Variants in FAM107B observed in about 807,000 individuals in gnomAD.
The protein encoded by FAM107B is protein FAM107B.
In FAM107B, 21 loss-of-function variants were observed where a neutral mutation model predicts 31.5. The observed-to-expected ratio is 0.67, with a 90% CI of 0.47 to 0.96. The LOEUF (loss-of-function observed/expected upper bound fraction) is 0.96. FAM107B is among the 40% of genes least tolerant of loss of function. FAM107B has a pLI of 0.00. For missense variants in FAM107B, 452 were observed against 377.1 expected (o/e 1.20, Z -1.64); for synonymous variants, 157 against 141.5 (o/e 1.11, Z -0.78).
At position 14,739,269 on chromosome 10, in the gene FAM107B, G is replaced by C. The variant is rs539535718; in HGVS notation, c.411+34984C>G. On this transcript the variant is annotated intron_variant, in intron 1 of 4. Coordinates refer to ENST00000181796, the MANE Select transcript of FAM107B (RefSeq NM_031453.4). The stretch of plus-strand genomic sequence containing the variant: ...GACGGGAGTGCTAATCTGCCACGGT[G>C]TCCCACCTTGGGATCTGACCAGGAA... Among the ~76,000 whole-genome samples, 136 of 152,322 alleles carry C rather than the reference G, an allele frequency of 8.9e-4. 2 individuals carry two copies. In the South Asian group the frequency reaches 0.027, roughly 31 times the overall value.
At chr10:14,756,302 T>C (rs1009429520) in intron 1 of FAM107B, among the ~76,000 whole-genome samples, 1 of 152,206 alleles carries the variant, frequency 6.6e-6, no homozygotes, top group Non-Finnish European at 1.5e-5. Flanking sequence ...TAGTCTTGGG[T>C]GTCAATTTGG....
chr10:14,771,841 T>C (rs1833309988), intron 1 of FAM107B, among the ~76,000 whole-genome samples: 3 of 152,152 alleles, frequency 2.0e-5, no homozygotes, highest in Admixed American at 2.0e-4. Context: ...TAAATGTGAT[T>C]GAGTATCAAG....
intron 2 of FAM107B, among the ~76,000 whole-genome samples, chr10:14,567,201 G>A (rs937775754): frequency 1.3e-5 from 2 of 152,080 alleles, no homozygotes; most frequent in African/African-American, 4.8e-5. Context: ...AGGTGGGAGA[G>A]AATGGTGGTG....
intron 2 of FAM107B, among the ~76,000 whole-genome samples, chr10:14,540,001 C>T (rs1293384545): frequency 2.0e-5 from 3 of 152,218 alleles, no homozygotes; most frequent in Non-Finnish European, 2.9e-5. Flanking sequence ...GGCGACCAGA[C>T]GTCTGCCATG....
intron 2 of FAM107B, among the ~76,000 whole-genome samples, chr10:14,665,634 A>C (rs971354349): frequency 4.6e-5 from 7 of 152,216 alleles, no homozygotes; most frequent in Admixed American, 3.3e-4. Flanking sequence ...TAAATGTGCA[A>C]AAGTGGTACT....
intron 1 of FAM107B, among the ~76,000 whole-genome samples, chr10:14,698,168 T>C (rs1009702281): frequency 2.0e-5 from 3 of 151,794 alleles, no homozygotes; most frequent in African/African-American, 7.3e-5. Context: ...TTTAAAATAA[T>C]GTATGCTCAG....
At chr10:14,612,882 G>A (rs955417429) in intron 2 of FAM107B, among the ~76,000 whole-genome samples, 1 of 152,168 alleles carries the variant, frequency 6.6e-6, no homozygotes, top group Admixed American at 6.5e-5. Context: ...GAGCAACTTT[G>A]TCTGGAAATG....
At chr10:14,630,106 C>G (rs1853315391) in intron 2 of FAM107B, among the ~76,000 whole-genome samples, 1 of 151,996 alleles carries the variant, frequency 6.6e-6, no homozygotes, top group African/African-American at 2.4e-5. Context: ...GAAGAATTTC[C>G]TGTTCTCCAT....
At chr10:14,610,063 G>A (rs1852689050) in intron 2 of FAM107B, among the ~76,000 whole-genome samples, 1 of 152,228 alleles carries the variant, frequency 6.6e-6, no homozygotes, top group Non-Finnish European at 1.5e-5. Context: ...TGGCATCTAG[G>A]CCGGGCACGG....
chr10:14,599,188 T>C lies in FAM107B; in HGVS notation c.469+68446A>G, dbSNP rs181954776. Among the ~76,000 whole-genome samples, 93 of 152,224 alleles carry C rather than the reference T, an allele frequency of 6.1e-4. 1 individual carries two copies. The South Asian group carries it at 8.3e-3, about 14-fold the overall frequency. Reference sequence around the variant, plus strand: ...TTCTACCTTGTTTCTACGGGAGACTTGACAACACATACATAACCTGAGGGT... The same window carrying C: ...TTCTACCTTGTTTCTACGGGAGACTCGACAACACATACATAACCTGAGGGT... On this transcript the variant is annotated intron_variant, in intron 2 of 4. Coordinates refer to ENST00000181796, the MANE Select transcript of FAM107B (RefSeq NM_031453.4).
intron 1 of FAM107B, among the ~76,000 whole-genome samples, chr10:14,761,069 A>G (rs1833037105): frequency 6.6e-6 from 1 of 151,854 alleles, no homozygotes; most frequent in Non-Finnish European, 1.5e-5. Context: ...AGGGTGTTTA[A>G]TGAGAAAAAA....
At chr10:14,732,985 A>G (rs1016375778) in intron 1 of FAM107B, among the ~76,000 whole-genome samples, 1 of 146,758 alleles carries the variant, frequency 6.8e-6, no homozygotes, top group Admixed American at 6.9e-5. Flanking sequence ...ATAGAATACA[A>G]TATATCTAAT....
chr10:14,688,460 C>T (rs1855044400), intron 1 of FAM107B, among the ~76,000 whole-genome samples: 1 of 152,188 alleles, frequency 6.6e-6, no homozygotes, highest in Non-Finnish European at 1.5e-5. Context: ...CATGCATACA[C>T]ACACATGCAT....
At chr10:14,767,389 G>T (rs955698279) in intron 1 of FAM107B, among the ~76,000 whole-genome samples, 3 of 151,638 alleles carry the variant, frequency 2.0e-5, no homozygotes, top group Non-Finnish European at 2.9e-5. Flanking sequence ...ACCGCACCCG[G>T]CCCCTGATGA....
chr10:14,577,485 C>A (rs1466975333), intron 2 of FAM107B, among the ~76,000 whole-genome samples: 1 of 152,168 alleles, frequency 6.6e-6, no homozygotes, highest in Non-Finnish European at 1.5e-5. Flanking sequence ...TATAAACTTG[C>A]ATAGTACGAA....
At chr10:14,643,817 G>A (rs1853688837) in intron 2 of FAM107B, among the ~76,000 whole-genome samples, 1 of 152,074 alleles carries the variant, frequency 6.6e-6, no homozygotes, top group South Asian at 2.1e-4. Context: ...GCACCTCAAG[G>A]CCCACTCAAG....
chr10:14,696,762 A>T (rs2131517101), intron 1 of FAM107B, among the ~76,000 whole-genome samples: 1 of 152,252 alleles, frequency 6.6e-6, no homozygotes, highest in East Asian at 1.9e-4. Flanking sequence ...AACTCAGCAG[A>T]TGCTTCTGAA....
intron 2 of FAM107B, among the ~76,000 whole-genome samples, chr10:14,628,500 G>C (rs1320622332): frequency 6.6e-6 from 1 of 152,116 alleles, no homozygotes; most frequent in Non-Finnish European, 1.5e-5. Context: ...CAATGCACTA[G>C]GAATGGAAAC....
intron 1 of FAM107B, among the ~76,000 whole-genome samples, chr10:14,764,279 G>A (rs934281950): frequency 2.0e-5 from 3 of 151,940 alleles, no homozygotes; most frequent in Admixed American, 1.3e-4. Flanking sequence ...TTTTTGTTGA[G>A]ATTTGATGTT....
Sources: gnomAD v4.1 joint callset for allele counts (sites outside exome capture counted in the v4.1 genomes callset) on GRCh38, gnomAD v4.1.1 for gene constraint, MANE v1.5 for transcripts, NCBI Gene and HGNC (gene_info 2026-07-23, HGNC 2026-07-21) for gene names.